NHSL1: variants seen among roughly 807,000 people sequenced by gnomAD.
NHSL1 encodes NHS-like protein 1.
A neutral mutation model predicts 95.0 loss-of-function variants in NHSL1; 48 were observed. That is an observed-to-expected ratio of 0.51 (90% CI 0.40 to 0.64). NHSL1 has a LOEUF of 0.64. NHSL1 is among the 30% of genes least tolerant of loss of function. The pLI is 0.00. For missense variants in NHSL1, 1,971 were observed against 2,077.7 expected (o/e 0.95, Z 1.00); for synonymous variants, 783 against 833.9 (o/e 0.94, Z 1.05).
At chr6:138,486,557 C>T (rs1420707265) in intron 2 of NHSL1, among the ~76,000 whole-genome samples, 2 of 152,118 alleles carry the variant, frequency 1.3e-5, no homozygotes, top group Non-Finnish European at 2.9e-5. Context: ...CCTCCCAGTG[C>T]CCTAAAGTAA....
intron 2 of NHSL1, among the ~76,000 whole-genome samples, chr6:138,488,676 C>T (rs529062771): frequency 6.6e-5 from 10 of 152,272 alleles, no homozygotes; most frequent in African/African-American, 1.2e-4. Flanking sequence ...CTTTAGGCAA[C>T]GATGAGCCAA....
At chr6:138,625,641 T>TAA (rs57534545) in intron 1 of NHSL1, among the ~76,000 whole-genome samples, 3,903 of 138,738 alleles carry the variant, frequency 0.028, 51 homozygotes, top group Middle Eastern at 0.062. Context: ...CTTTTTTAAT[T>TAA]AAAAAAAAAA....
At chr6:138,623,591 C>T (rs1386816042) in intron 1 of NHSL1, among the ~76,000 whole-genome samples, 1 of 152,158 alleles carries the variant, frequency 6.6e-6, no homozygotes, top group Non-Finnish European at 1.5e-5. Context: ...TAACTATAGA[C>T]ATCATGTTGT....
At chr6:138,516,093 C>T (rs1209773102) in intron 1 of NHSL1, among the ~76,000 whole-genome samples, 1 of 152,234 alleles carries the variant, frequency 6.6e-6, no homozygotes, top group East Asian at 1.9e-4. Context: ...TACAAGTCCT[C>T]ATTTCCATGC....
rs1034999321 is a variant in NHSL1, at chr6:138,431,825, C to A, written c.2520G>T (p.Glu840Asp). The change falls in exon 6 of 8, where the codon GAG (glutamate) becomes GAT (aspartate). Residue 840 changes from glutamate (E) to aspartate (D), a missense_variant. Around this residue, in one of 3 missense-constraint regions of NHSL1, gnomAD observed 1,602 missense variants for 1,654.5 expected, o/e 0.97. Coordinates refer to ENST00000343505, the MANE Select transcript of NHSL1 (RefSeq NM_001144060.2). The surrounding 1 kb of genome is among the most constrained non-coding windows in gnomAD (Gnocchi z 4.0). The part of the protein sequence containing the change: ...GSVKPKIMSP[E>D]KSHRVISPSS... Reference sequence around the variant, plus strand: ...ATGGAGAAATGACTCTGTGTGACTTCTCTGGTGACATGATCTTTGGTTTGA... The same window carrying A: ...ATGGAGAAATGACTCTGTGTGACTTATCTGGTGACATGATCTTTGGTTTGA... 6.4e-7 allele frequency: 1 copy of A among 1,551,576 alleles called. No individual in the cohort carries two copies. The highest frequency in any genetic ancestry group is 1.4e-5 in the African/African-American group (1 of 73,038).
intron 5 of NHSL1, among the ~76,000 whole-genome samples, chr6:138,439,249 A>C (rs1167252944): frequency 6.6e-6 from 1 of 152,196 alleles, no homozygotes; most frequent in Non-Finnish European, 1.5e-5. Flanking sequence ...CATCTTTTGG[A>C]CAGGGTGCAT....
At chr6:138,683,466 C>A (rs1319513528) in intron 1 of NHSL1, among the ~76,000 whole-genome samples, 1 of 152,186 alleles carries the variant, frequency 6.6e-6, no homozygotes, top group Non-Finnish European at 1.5e-5. Flanking sequence ...GTGCCAGGCG[C>A]TGTGCTAAGT....
intron 5 of NHSL1, among the ~76,000 whole-genome samples, chr6:138,434,410 T>TAAAA (rs373971787): frequency 0.011 from 1,560 of 138,526 alleles, 26 homozygotes; most frequent in African/African-American, 0.039. Context: ...AATAGTATGT[T>TAAAA]AAAAAAAAAA....
chr6:138,565,862 G>C (rs912156028), intron 1 of NHSL1, among the ~76,000 whole-genome samples: 3 of 151,784 alleles, frequency 2.0e-5, no homozygotes, highest in African/African-American at 7.3e-5. Flanking sequence ...AGGATCCCTT[G>C]AGCCTGGGAG....
At chr6:138,582,824 A>T (rs1784081759) in intron 1 of NHSL1, among the ~76,000 whole-genome samples, 1 of 152,092 alleles carries the variant, frequency 6.6e-6, no homozygotes, top group Non-Finnish European at 1.5e-5. Context: ...CACCGGCTTT[A>T]CTTTTACTCA....
intron 4 of NHSL1, among the ~76,000 whole-genome samples, chr6:138,443,375 GA>G (rs1278951403): frequency 1.3e-5 from 2 of 152,196 alleles, no homozygotes; most frequent in African/African-American, 4.8e-5. Context: ...TTGAATACCA[GA>G]AGGTGCCAAT....
intron 1 of NHSL1, among the ~76,000 whole-genome samples, chr6:138,601,541 C>G (rs556763589): frequency 6.6e-6 from 1 of 152,122 alleles, no homozygotes; most frequent in East Asian, 1.9e-4. Flanking sequence ...TGCCCGGGCA[C>G]GGTGGCTCAT....
chr6:138,522,599 C>T (rs1196624638), intron 1 of NHSL1, among the ~76,000 whole-genome samples: 1 of 152,218 alleles, frequency 6.6e-6, no homozygotes, highest in Non-Finnish European at 1.5e-5. Flanking sequence ...CGAGATCACG[C>T]CATTACACTC....
intron 1 of NHSL1, among the ~76,000 whole-genome samples, chr6:138,543,385 G>GA (rs1782658972): frequency 6.6e-6 from 1 of 152,190 alleles, no homozygotes. Flanking sequence ...ACAATAATGA[G>GA]AAAGATGGCA....
At chr6:138,578,754 GCAGAGTGTGATT>G (rs1784007959) in intron 1 of NHSL1, among the ~76,000 whole-genome samples, 1 of 151,758 alleles carries the variant, frequency 6.6e-6, no homozygotes. Context: ...TTATTGAAAT[GCAGAGTGTGATT>G]CAGGTCTGGG....
intron 1 of NHSL1, among the ~76,000 whole-genome samples, chr6:138,689,059 T>C (rs1583482345): frequency 6.6e-6 from 1 of 152,208 alleles, no homozygotes; most frequent in Admixed American, 6.6e-5. Context: ...CCTCAACTGA[T>C]CCACCTGCCT....
chr6:138,587,848 A>G (rs1454213074), intron 1 of NHSL1, among the ~76,000 whole-genome samples: 1 of 152,248 alleles, frequency 6.6e-6, no homozygotes, highest in African/African-American at 2.4e-5. Flanking sequence ...AACAACAGAC[A>G]CTGCCTCCCA....
intron 2 of NHSL1, among the ~76,000 whole-genome samples, chr6:138,474,234 G>C (rs1009286267): frequency 2.6e-5 from 4 of 152,174 alleles, no homozygotes; most frequent in South Asian, 2.1e-4. Context: ...CCTCAAAAAA[G>C]GATTTGCCAC....
chr6:138,681,196 G>A (rs1463113745), intron 1 of NHSL1, among the ~76,000 whole-genome samples: 1 of 152,124 alleles, frequency 6.6e-6, no homozygotes, highest in African/African-American at 2.4e-5. Context: ...CAGAAATTGT[G>A]TGTATAAAAA....
Sources: gnomAD v4.1 joint callset for allele counts (sites outside exome capture counted in the v4.1 genomes callset) on GRCh38, gnomAD v4.1.1 for gene constraint, gnomAD v4.1.1 regional missense constraint, Gnocchi (gnomAD v3.1) non-coding constraint, MANE v1.5 for transcripts, NCBI Gene and HGNC (gene_info 2026-07-23, HGNC 2026-07-21) for gene names.